The following DMD variants were observed in gnomAD, a reference collection of about 807,000 sequenced individuals.
DMD encodes dystrophin, also known as mutant dystrophin.
A neutral mutation model predicts 330.1 loss-of-function variants in DMD; 63 were observed. The observed-to-expected ratio is 0.19, with a 90% CI of 0.16 to 0.24. DMD has a LOEUF of 0.24. Ranked by LOEUF, DMD falls within the 10% of genes least tolerant of loss-of-function variation. The probability of loss-of-function intolerance (pLI) is 1.00; values close to 1 mark genes in which losing one functional copy is unlikely to be tolerated. For missense variants in DMD, 3,344 were observed against 2,684.1 expected (o/e 1.25, Z -5.43); for synonymous variants, 1,223 against 959.8 (o/e 1.27, Z -5.07).
intron 43 of DMD, among the ~76,000 whole-genome samples, chrX:32,225,633 C>G (rs191702506): frequency 9.0e-6 from 1 of 110,997 alleles, no homozygotes; most frequent in Admixed American, 9.6e-5. Flanking sequence ...TGGTTTCTCA[C>G]GGTTTAATAC....
chrX:31,218,925 A>G (rs1314331531), intron 64 of DMD, among the ~76,000 whole-genome samples: 1 of 111,197 alleles, frequency 9.0e-6, no homozygotes. Flanking sequence ...CTCATGCATC[A>G]TTCTAGCCTC....
At chrX:33,101,194 C>T (rs759904103) in intron 1 of DMD, among the ~76,000 whole-genome samples, 67 of 112,499 alleles carry the variant, frequency 6.0e-4, no homozygotes, top group African/African-American at 2.1e-3. Context: ...TAATGTCCTA[C>T]TAAAGCTAGG....
chrX:31,183,593 C>G (rs1204919819), intron 67 of DMD, among the ~76,000 whole-genome samples: 2 of 111,743 alleles, frequency 1.8e-5, no homozygotes, highest in Non-Finnish European at 3.8e-5. Flanking sequence ...ATGATCTCAA[C>G]AATCTCAAAA....
chrX:31,299,534 T>C (rs2054470696), intron 62 of DMD, among the ~76,000 whole-genome samples: 1 of 110,942 alleles, frequency 9.0e-6, no homozygotes. Context: ...TCCCAGCACT[T>C]TGGGACGCTG....
At chrX:32,833,692 T>TAAAAAA (rs5902041) in intron 4 of DMD, among the ~76,000 whole-genome samples, 4 of 81,139 alleles carry the variant, frequency 4.9e-5, no homozygotes, top group East Asian at 3.9e-4. Flanking sequence ...TAATTTCAAG[T>TAAAAAA]AAAAAAAAAA....
At chrX:31,747,933 A>G (rs1278486394) in intron 51 of DMD, among the ~76,000 whole-genome samples, 2 of 112,197 alleles carry the variant, frequency 1.8e-5, no homozygotes, top group Non-Finnish European at 3.8e-5. Flanking sequence ...CCATTTCTCT[A>G]GTGATTCCTT....
Position 32,656,179 on chromosome X carries a change from C to T in DMD, c.961-11027G>A, listed in dbSNP as rs185304294. ...CCAAGTATTGGCCAGTTGGATATAA[C>T]GCATCCAACTTCGTCATTAAGACGT... is the stretch of plus-strand genomic sequence containing the variant. On this transcript the variant is annotated intron_variant, in intron 9 of 78. Coordinates refer to ENST00000357033, the MANE Select transcript of DMD (RefSeq NM_004006.3). Among the ~76,000 whole-genome samples the T allele has an allele frequency of 2.7e-5, 3 of 111,856 alleles. No homozygotes were observed. The Admixed American group carries it at 2.9e-4, about 11-fold the overall frequency.
intron 2 of DMD, among the ~76,000 whole-genome samples, chrX:32,891,899 A>C (rs754687357): frequency 9.0e-6 from 1 of 111,273 alleles, no homozygotes; most frequent in African/African-American, 3.3e-5. Flanking sequence ...TTCTCTTCAG[A>C]CCTGGAATCC....
chrX:31,435,773 T>C (rs916830714), intron 60 of DMD: 5 of 111,663 alleles, frequency 4.5e-5, no homozygotes, highest in Non-Finnish European at 9.4e-5. Flanking sequence ...GAGCAGCTAC[T>C]GGCGGAGTGT....
chrX:31,450,576 G>C (rs2065647111), intron 59 of DMD, among the ~76,000 whole-genome samples: 1 of 112,348 alleles, frequency 8.9e-6, no homozygotes, highest in African/African-American at 3.2e-5. Context: ...ATTCTGGTTG[G>C]TTCCCTGACT....
At chrX:32,304,942 C>T (rs1344520124) in intron 42 of DMD, among the ~76,000 whole-genome samples, 2 of 111,404 alleles carry the variant, frequency 1.8e-5, no homozygotes, top group African/African-American at 6.5e-5. Flanking sequence ...CATTTGCAAA[C>T]AAATTTTGCT....
chrX:32,599,290 G>C (rs2055916359), intron 12 of DMD, among the ~76,000 whole-genome samples: 1 of 111,506 alleles, frequency 9.0e-6, no homozygotes, highest in African/African-American at 3.3e-5. Flanking sequence ...CTTACAAGTA[G>C]CAGAAACGCC....
In DMD at chrX:32,573,846, C is replaced by T. The variant is rs2052711854; in HGVS notation, c.1603G>A (p.Val535Ile). 4 of 1,197,144 alleles carry T rather than the reference C, an allele frequency of 3.3e-6. No homozygotes were observed. The highest frequency in any genetic ancestry group is 3.4e-6 in the Non-Finnish European group (3 of 882,600). Residue 535 changes from valine (V) to isoleucine (I), a missense_variant and splice_region_variant, in exon 14 of 79, where the codon GTA becomes ATA. Physicochemically the swap from Val to Ile is conservative, Grantham distance 29. Coordinates refer to ENST00000357033, the MANE Select transcript of DMD (RefSeq NM_004006.3). ...ATGTTTGCCCATCGATCTCCCAATACCTGGAGAAGAGACAATCAAGCACAG... is the reference window on the plus strand; with the variant it reads ...ATGTTTGCCCATCGATCTCCCAATATCTGGAGAAGAGACAATCAAGCACAG... ...ATAALEEQLK[V>I]LGDRWANICR...
At chrX:32,157,772 C>T (rs955553372) in intron 44 of DMD, among the ~76,000 whole-genome samples, 1 of 112,043 alleles carries the variant, frequency 8.9e-6, no homozygotes, top group East Asian at 2.8e-4. Context: ...GATGAAGGTA[C>T]GTCAGCTCTC....
Position 33,013,518 on chromosome X carries a change from G to A in DMD, c.93+6621C>T, listed in dbSNP as rs144136530. Among the ~76,000 whole-genome samples the A allele has an allele frequency of 2.5e-3, 281 of 111,655 alleles. 1 individual carries two copies. Among genetic ancestry groups the A allele is most frequent in the African/African-American group, 8.5e-3 (262 of 30,862 alleles). On this transcript the variant is annotated intron_variant, in intron 2 of 78. Coordinates refer to ENST00000357033, the MANE Select transcript of DMD (RefSeq NM_004006.3). ...AATGATTTAATTCTTCCTATTATCA[G>A]ATAAAAACAAACAGGAAGCCAGGGG...
chrX:31,305,722 C>T (rs1395698317), intron 62 of DMD, among the ~76,000 whole-genome samples: 1 of 112,285 alleles, frequency 8.9e-6, no homozygotes. Context: ...TAACAAAGCA[C>T]CAGCAAAAAA....
intron 12 of DMD, among the ~76,000 whole-genome samples, chrX:32,604,676 C>A (rs1001889349): frequency 9.1e-6 from 1 of 110,032 alleles, no homozygotes; most frequent in Admixed American, 9.7e-5. Flanking sequence ...TCCAAAAGGA[C>A]CCTATATTTG....
intron 1 of DMD, among the ~76,000 whole-genome samples, chrX:33,169,215 A>C (rs1038117019): frequency 9.0e-6 from 1 of 111,714 alleles, no homozygotes; most frequent in Non-Finnish European, 1.9e-5. Flanking sequence ...CATTTGCAAA[A>C]ATCAATAGCT....
intron 1 of DMD, among the ~76,000 whole-genome samples, chrX:33,022,900 A>G (rs182496280): frequency 4.1e-4 from 46 of 111,904 alleles, no homozygotes; most frequent in African/African-American, 1.4e-3. Context: ...GAACAACTCA[A>G]GGAGGTTCCA....
Sources: allele counts gnomAD v4.1 joint callset (sites outside exome capture counted in the v4.1 genomes callset), GRCh38; gene constraint gnomAD v4.1.1; transcripts MANE v1.5; gene names NCBI Gene and HGNC (gene_info 2026-07-23, HGNC 2026-07-21).